The following DNLZ variants were observed in gnomAD, a reference collection of about 807,000 sequenced individuals.
DNLZ encodes the protein DNL-type zinc finger.
In DNLZ, 15 loss-of-function variants were observed where a neutral mutation model predicts 7.8. That is an observed-to-expected ratio of 1.91 (90% confidence interval 1.28 to 2.95). The LOEUF (loss-of-function observed/expected upper bound fraction) is 2.95, where lower values mean the gene tolerates loss of function less well. Ranked by LOEUF, DNLZ falls within the 30% of genes most tolerant of loss-of-function variation. The probability of loss-of-function intolerance (pLI) is 0.00; values close to 1 mark genes in which losing one functional copy is unlikely to be tolerated. For synonymous variants in DNLZ, 123 were observed against 77.8 expected, an observed-to-expected ratio of 1.58 and a Z score of -3.05; for missense variants, 255 against 167.3, an observed-to-expected ratio of 1.52 and a Z score of -2.89.
intron 1 of DNLZ, 119 bp from the exon 2 acceptor site, chr9:136,363,247 G>A (rs1210170962): frequency 2.0e-6 from 2 of 984,766 alleles, no homozygotes; most frequent in African/African-American, 4.1e-5. Flanking sequence ...CCCCGCCCCC[G>A]AGGGATAGCT....
Position 136,363,726 on chromosome 9 carries a change from G to A in DNLZ, c.-12C>T, listed in dbSNP as rs932113857. On this transcript the variant is annotated 5_prime_UTR_variant, in exon 1 of 3. Transcript: ENST00000371738. ...GCAGTCCGCAGCATCCCGCTCGCCG[G>A]CTCCGTCCGCCCTGCCCCGGCCCCG... is the stretch of plus-strand genomic sequence containing the variant. The A allele has an allele frequency of 2.5e-6, 1 of 400,664 alleles. No homozygotes were observed. The highest frequency in any genetic ancestry group is 4.0e-5 in the South Asian group (1 of 25,102). 24.8% of individuals were successfully genotyped at this position (400,664 alleles called of 1,614,324 possible). A position where few individuals can be genotyped will look rare whatever the true frequency, so the allele number is the denominator to read the frequency against.
chr9:136,363,224 T>G, intron 1 of DNLZ, 96 bp from the exon 2 acceptor site: 1 of 1,469,020 alleles, frequency 6.8e-7, no homozygotes, highest in Non-Finnish European at 9.3e-7. Context: ...CACCTCACCC[T>G]CTCCAGAGAA....
rs552680349 is a variant in DNLZ at position 136,361,469 on chromosome 9, C to T, written c.*543G>A. 1.3e-5 allele frequency: 2 copies of T among 152,504 alleles called. No individual in the cohort carries two copies. Among genetic ancestry groups the T allele is most frequent in the East Asian group, 1.9e-4 (1 of 5,194 alleles). 9.4% of individuals were successfully genotyped at this position (152,504 alleles called of 1,614,324 possible). ...TGGCTCCCCCGGGAGGGGTCTGGAG[C>T]TCCTAACACACGGCCACGCCATAGC... On this transcript the variant is annotated 3_prime_UTR_variant, in exon 3 of 3. Transcript: ENST00000371738.
intron 1 of DNLZ, 109 bp downstream of exon 1, chr9:136,363,378 T>G: frequency 1.4e-6 from 1 of 740,732 alleles, no homozygotes; most frequent in Non-Finnish European, 2.5e-6. Flanking sequence ...CACTCCTTCC[T>G]GTGACTTGAC....
Position 136,362,998 on chromosome 9 carries a change from T to C in DNLZ, c.359A>G (p.Asn120Ser), listed in dbSNP as rs760051890. ...ADNLGWFSDL[N>S]GKRNIEEILT... is the part of the protein sequence containing the mutation. ...GGGGTACAGGCCTCACCTCTTCCCA[T>C]TCAGGTCCGAGAACCAGCCCAGGTT... is the stretch of plus-strand genomic sequence containing the variant. Residue 120 changes from asparagine to serine, a missense_variant, in exon 2 of 3, where the codon AAT becomes AGT. Asn to Ser is a conservative substitution (Grantham distance 46). Coordinates refer to ENST00000371738, the MANE Select transcript of DNLZ (RefSeq NM_001080849.3). 1 of 1,613,666 alleles carries C rather than the reference T, an allele frequency of 6.2e-7. No individual in the cohort carries two copies. The highest frequency in any genetic ancestry group is 1.1e-5 in the South Asian group (1 of 91,078).
chr9:136,363,283 C>G, intron 1 of DNLZ, 155 bp from the exon 2 acceptor site: 1 of 810,036 alleles, frequency 1.2e-6, no homozygotes, highest in Non-Finnish European at 2.0e-6. Flanking sequence ...CTCGCCCTCT[C>G]CCGGGAAGGC....
chr9:136,362,213 G>A, intron 2 of DNLZ, 33 bp from the exon 3 acceptor site: 1 of 1,454,206 alleles, frequency 6.9e-7, no homozygotes. Context: ...GGCTCTTCAG[G>A]GCCCCCCAGC....
At position 136,361,744 on chromosome 9, in the gene DNLZ, G is replaced by T; in HGVS notation, c.*268C>A. 1 of 366,860 alleles carries T rather than the reference G, an allele frequency of 2.7e-6. No individual in the cohort carries two copies. 22.7% of individuals were successfully genotyped at this position (366,860 alleles called of 1,614,324 possible). ...CCAGCCCCCTTTCCACGCGACTGTG[G>T]CCTCTGTGGGCAAGAGCTGGGTGAC... On this transcript the variant is annotated 3_prime_UTR_variant, in exon 3 of 3. Coordinates refer to ENST00000371738, the MANE Select transcript of DNLZ (RefSeq NM_001080849.3).
In DNLZ at chr9:136,359,638, A is replaced by C. The variant is rs1832946493; in HGVS notation, c.*2374T>G. ...TGGGCTTAGTCCCGGGTGGGGGCCT[A>C]ACCCGGTAAGAGGCTGCACTGTGCA... On this transcript the variant is annotated 3_prime_UTR_variant, in exon 3 of 3. Transcript: ENST00000371738. The C allele has an allele frequency of 6.6e-6, 1 of 152,366 alleles. No homozygotes were observed. The highest frequency in any genetic ancestry group is 1.5e-5 in the Non-Finnish European group (1 of 68,042). The allele number at this position is 152,366 out of a possible 1,614,324, so 9.4% of individuals were successfully genotyped here.
chr9:136,362,899 A>G, intron 2 of DNLZ, 90 bp downstream of exon 2: 1 of 1,262,948 alleles, frequency 7.9e-7, no homozygotes, highest in Non-Finnish European at 1.1e-6. Context: ...GGTGAGATCT[A>G]TAAACCTCAA....
rs369251447 is a variant in DNLZ, at chr9:136,363,101, T to C, written c.256A>G (p.Ile86Val). The C allele has an allele frequency of 1.1e-4, 172 of 1,613,390 alleles. No homozygotes were observed. The highest frequency in any genetic ancestry group is 1.3e-4 in the Admixed American group (8 of 59,994). The change falls in exon 2 of 3, where the codon ATC (isoleucine) becomes GTC (valine). Residue 86 changes from isoleucine (I) to valine (V), a missense_variant. Coordinates refer to ENST00000371738, the MANE Select transcript of DNLZ (RefSeq NM_001080849.3). Reference protein sequence around the residue: ...KVCGTRSSKRISKLAYHQGVV... With the variant: ...KVCGTRSSKRVSKLAYHQGVV... Reference sequence around the variant, plus strand: ...CCTTGGTGATAGGCCAGCTTGGAGATGCGCTTGGAGGACCTAGTCCCGCAG... The same window carrying C: ...CCTTGGTGATAGGCCAGCTTGGAGACGCGCTTGGAGGACCTAGTCCCGCAG...
At chr9:136,363,196 T>C in intron 1 of DNLZ, 68 bp from the exon 2 acceptor site, 1 of 1,581,532 alleles carries the variant, frequency 6.3e-7, no homozygotes, top group Non-Finnish European at 8.6e-7. Flanking sequence ...GACCCGCCCC[T>C]CTAGGGGTAG....
intron 2 of DNLZ, 120 bp downstream of exon 2, chr9:136,362,869 T>C (rs1833006571): frequency 6.9e-6 from 6 of 865,618 alleles, no homozygotes; most frequent in South Asian, 1.6e-5. Context: ...CTTGTATTGA[T>C]AAGGTGGCTG....
chr9:136,363,675 T>G lies in DNLZ; in HGVS notation c.40A>C (p.Ser14Arg). 2.4e-6 allele frequency: 1 copy of G among 413,252 alleles called. No homozygotes were observed. Among genetic ancestry groups the G allele is most frequent in the Non-Finnish European group, 4.2e-6 (1 of 238,618 alleles). The allele number at this position is 413,252 out of a possible 1,614,324, so 25.6% of individuals were successfully genotyped here. ...TALRGAPRLL[S>R]RVQPRAPCLR... ...CAGGGCGCCCGGGGCTGCACGCGAC[T>G]CAGCAACCTCGGCGCGCCGCGCAGC... is the stretch of plus-strand genomic sequence containing the variant. The change falls in exon 1 of 3, where the codon AGT becomes CGT. Residue 14 changes from serine to arginine, a missense_variant. Coordinates refer to ENST00000371738, the MANE Select transcript of DNLZ (RefSeq NM_001080849.3).
At chr9:136,363,291 G>GGCCCCGCCCCAGGGACGGCTCC in intron 1 of DNLZ, 163 bp from the exon 2 acceptor site, 2 of 745,014 alleles carry the variant, frequency 2.7e-6, no homozygotes, top group Admixed American at 2.4e-5. Flanking sequence ...CTCCCGGGAA[G>GGCCCCGCCCCAGGGACGGCTCC]GCCCCGCCCC....
At position 136,360,930 on chromosome 9, in the gene DNLZ, ACC is replaced by A. The variant is rs1427801970; in HGVS notation, c.*1080_*1081del. The A allele has an allele frequency of 6.6e-6, 1 of 151,582 alleles. No homozygotes were observed. Among genetic ancestry groups the A allele is most frequent in the East Asian group, 1.9e-4 (1 of 5,162 alleles). 9.4% of individuals were successfully genotyped at this position (151,582 alleles called of 1,614,324 possible). A position where few individuals can be genotyped will look rare whatever the true frequency, so the allele number is the denominator to read the frequency against. On this transcript the variant is annotated 3_prime_UTR_variant, in exon 3 of 3. Transcript: ENST00000371738. ...CACTGCACTTCCAAGCCCCCAAGAG[ACC>A]CCCAGCCAGTGCCTCCATGGAGGAG...
In DNLZ at chr9:136,361,469, C is replaced by G. The variant is rs552680349; in HGVS notation, c.*543G>C. Reference sequence around the variant, plus strand: ...TGGCTCCCCCGGGAGGGGTCTGGAGCTCCTAACACACGGCCACGCCATAGC... The same window carrying G: ...TGGCTCCCCCGGGAGGGGTCTGGAGGTCCTAACACACGGCCACGCCATAGC... On this transcript the variant is annotated 3_prime_UTR_variant, in exon 3 of 3. Coordinates refer to ENST00000371738, the MANE Select transcript of DNLZ (RefSeq NM_001080849.3). 1 of 152,504 alleles carries G rather than the reference C, an allele frequency of 6.6e-6. No individual in the cohort carries two copies. The highest frequency in any genetic ancestry group is 1.5e-5 in the Non-Finnish European group (1 of 68,134). The allele number at this position is 152,504 out of a possible 1,614,324, so 9.4% of individuals were successfully genotyped here. A position where few individuals can be genotyped will look rare whatever the true frequency, so the allele number is the denominator to read the frequency against.
Position 136,361,896 on chromosome 9 carries a change from C to A in DNLZ, c.*116G>T, listed in dbSNP as rs928316366. ...GAAAGGCCACGAGGGCCACAGGCCC[C>A]AGCATCTGGAAGTAATGTCTGTTTA... On this transcript the variant is annotated 3_prime_UTR_variant, in exon 3 of 3. Coordinates refer to ENST00000371738, the MANE Select transcript of DNLZ (RefSeq NM_001080849.3). The A allele has an allele frequency of 3.0e-5, 24 of 790,424 alleles. No individual in the cohort carries two copies. The African/African-American group carries it at 4.2e-4, about 14-fold the overall frequency. 49.0% of individuals were successfully genotyped at this position (790,424 alleles called of 1,614,324 possible). A position where few individuals can be genotyped will look rare whatever the true frequency, so the allele number is the denominator to read the frequency against.
rs1204128403 is a variant in DNLZ at position 136,360,298 on chromosome 9, C to G, written c.*1714G>C. The G allele has an allele frequency of 1.3e-5, 2 of 152,262 alleles. No homozygotes were observed. Among genetic ancestry groups the G allele is most frequent in the African/African-American group, 2.4e-5 (1 of 41,452 alleles). The allele number at this position is 152,262 out of a possible 1,614,324, so 9.4% of individuals were successfully genotyped here. A position where few individuals can be genotyped will look rare whatever the true frequency, so the allele number is the denominator to read the frequency against. On this transcript the variant is annotated 3_prime_UTR_variant, in exon 3 of 3. Coordinates refer to ENST00000371738, the MANE Select transcript of DNLZ (RefSeq NM_001080849.3). ...TGTGGTGGTACACGCACACAGGGTC[C>G]AAGTAACCGTGCAGGGCCCAGGACC...
Sources: gnomAD v4.1 joint callset for allele counts on GRCh38, gnomAD v4.1.1 for gene constraint, MANE v1.5 for transcripts, NCBI Gene and HGNC (gene_info 2026-07-23, HGNC 2026-07-21) for gene names.